Variants in CSMD1 observed in about 807,000 individuals in gnomAD.
CSMD1 encodes the protein CUB and Sushi multiple domains 1.
Under a neutral mutation model 417.5 loss-of-function variants are expected in CSMD1, and 213 were observed. The observed-to-expected ratio is 0.51, with a 90% confidence interval of 0.46 to 0.57. The LOEUF (loss-of-function observed/expected upper bound fraction) is 0.57, where lower values mean the gene tolerates loss of function less well. CSMD1 is among the 20% of genes least tolerant of loss of function. CSMD1 has a pLI of 0.00. For synonymous variants in CSMD1, 2,862 were observed against 1,736.8 expected, an observed-to-expected ratio of 1.65 and a Z score of -16.11; for missense variants, 6,923 against 4,529.7, an observed-to-expected ratio of 1.53 and a Z score of -15.17.
At chr8:4,800,662 C>A (rs997529107) in intron 1 of CSMD1, among the ~76,000 whole-genome samples, 2 of 152,168 alleles carry the variant, frequency 1.3e-5, no homozygotes, top group African/African-American at 4.8e-5. Context: ...TGTGGAGCCT[C>A]AGAGTTGTCC....
intron 5 of CSMD1, among the ~76,000 whole-genome samples, chr8:3,973,691 G>A (rs1454242144): frequency 1.3e-5 from 2 of 152,194 alleles, no homozygotes; most frequent in African/African-American, 4.8e-5. Flanking sequence ...CAACAGAGGT[G>A]TGAATGCAAG....
intron 7 of CSMD1, among the ~76,000 whole-genome samples, chr8:3,693,954 TA>T (rs1474674014): frequency 2.0e-5 from 3 of 150,934 alleles, no homozygotes; most frequent in Non-Finnish European, 4.4e-5. Context: ...GTGTTGGATA[TA>T]GGGGTGTGTG....
At chr8:4,328,183 G>A (rs895363446) in intron 3 of CSMD1, among the ~76,000 whole-genome samples, 2 of 151,012 alleles carry the variant, frequency 1.3e-5, no homozygotes, top group African/African-American at 4.9e-5. Flanking sequence ...TTATAAGACA[G>A]TAAGTAAGCT....
chr8:3,052,691 T>C, intron 49 of CSMD1, 44 bp from the exon 50 acceptor site: 2 of 1,381,784 alleles, frequency 1.4e-6, no homozygotes, highest in South Asian at 3.1e-5. Flanking sequence ...TTACAGAAAT[T>C]ATTTTCCAGC....
chr8:4,038,533 G>T (rs770439610), intron 3 of CSMD1, among the ~76,000 whole-genome samples: 1 of 152,126 alleles, frequency 6.6e-6, no homozygotes, highest in Non-Finnish European at 1.5e-5. Context: ...CATTTTAACT[G>T]AATTTTAACC....
At chr8:4,081,648 A>T (rs1428130872) in intron 3 of CSMD1, among the ~76,000 whole-genome samples, 1 of 152,220 alleles carries the variant, frequency 6.6e-6, no homozygotes, top group Admixed American at 6.5e-5. Context: ...ACTAAAATAG[A>T]TACTATGCTA....
At chr8:3,253,689 C>T (rs1282394444) in intron 26 of CSMD1, among the ~76,000 whole-genome samples, 1 of 152,028 alleles carries the variant, frequency 6.6e-6, no homozygotes, top group Non-Finnish European at 1.5e-5. Flanking sequence ...TCTCTAAGGA[C>T]TTGCTTTATG....
At chr8:3,976,977 T>G (rs186795737) in intron 5 of CSMD1, among the ~76,000 whole-genome samples, 2 of 152,106 alleles carry the variant, frequency 1.3e-5, no homozygotes, top group Admixed American at 1.3e-4. Context: ...ACAGAACACA[T>G]AGGTATTAGT....
chr8:3,957,008 A>G (rs1034530807), intron 5 of CSMD1, among the ~76,000 whole-genome samples: 5 of 149,350 alleles, frequency 3.3e-5, no homozygotes, highest in African/African-American at 7.3e-5. Context: ...TGAAACCCAC[A>G]TGGAAGTAGA....
intron 12 of CSMD1, among the ~76,000 whole-genome samples, chr8:3,432,656 C>G (rs1002828675): frequency 1.3e-5 from 2 of 151,976 alleles, no homozygotes; most frequent in Non-Finnish European, 2.9e-5. Context: ...GCTGGGACTA[C>G]AGGCGTGTGC....
intron 3 of CSMD1, among the ~76,000 whole-genome samples, chr8:4,413,415 T>G (rs1336278965): frequency 2.0e-5 from 3 of 152,206 alleles, no homozygotes. Flanking sequence ...TTAGCTAAAT[T>G]TGTTTCTTTA....
At chr8:3,364,486 T>C (rs1809419801) in intron 20 of CSMD1, among the ~76,000 whole-genome samples, 1 of 152,188 alleles carries the variant, frequency 6.6e-6, no homozygotes, top group Non-Finnish European at 1.5e-5. Flanking sequence ...GGCTTGCTTG[T>C]TTGTGCAAGT....
chr8:4,641,608 G>A (rs1025556039), intron 1 of CSMD1, among the ~76,000 whole-genome samples: 2 of 152,144 alleles, frequency 1.3e-5, no homozygotes, highest in East Asian at 1.9e-4. Context: ...AATGAATCAA[G>A]GTCTTCTGAC....
chr8:3,893,110 A>G (rs1457944055), intron 5 of CSMD1, among the ~76,000 whole-genome samples: 1 of 151,870 alleles, frequency 6.6e-6, no homozygotes, highest in Non-Finnish European at 1.5e-5. Context: ...TCTGCAAAAA[A>G]CATGACAAAA....
intron 37 of CSMD1, among the ~76,000 whole-genome samples, chr8:3,168,449 A>G (rs1228361564): frequency 1.3e-5 from 2 of 152,184 alleles, no homozygotes; most frequent in Non-Finnish European, 2.9e-5. Context: ...AAATCGCATT[A>G]AAGTTGAGAT....
intron 10 of CSMD1, among the ~76,000 whole-genome samples, chr8:3,541,777 G>C (rs1314475719): frequency 6.7e-6 from 1 of 150,338 alleles, no homozygotes; most frequent in African/African-American, 2.4e-5. Context: ...ATCAACTACA[G>C]CTGTTCTTTT....
intron 2 of CSMD1, among the ~76,000 whole-genome samples, chr8:4,448,552 T>G (rs750470108): frequency 1.1e-4 from 16 of 152,218 alleles, no homozygotes; most frequent in South Asian, 2.1e-4. Flanking sequence ...GGAACATCCT[T>G]TGAAATCTAA....
intron 6 of CSMD1, among the ~76,000 whole-genome samples, chr8:3,732,672 A>AT (rs530223791): frequency 2.4e-4 from 37 of 152,092 alleles, no homozygotes; most frequent in African/African-American, 7.5e-4. Context: ...TCCTAAATTG[A>AT]TTTTTTTTAA....
chr8:3,452,344 C>T (rs1815787712), intron 12 of CSMD1, among the ~76,000 whole-genome samples: 1 of 152,128 alleles, frequency 6.6e-6, no homozygotes, highest in Admixed American at 6.5e-5. Context: ...CCAGAACATC[C>T]AACTCTATGT....
Sources: gnomAD v4.1 joint callset for allele counts (sites outside exome capture counted in the v4.1 genomes callset) on GRCh38, gnomAD v4.1.1 for gene constraint, MANE v1.5 for transcripts, NCBI Gene and HGNC (gene_info 2026-07-23, HGNC 2026-07-21) for gene names.